Variants in ADAMTSL1 observed in about 807,000 individuals in gnomAD.
The protein encoded by ADAMTSL1 is ADAMTS like 1, also known as ADAMTS-like protein 1.
Under a neutral mutation model 201.8 loss-of-function variants are expected in ADAMTSL1, and 126 were observed. The observed-to-expected ratio is 0.62, with a 90% CI of 0.54 to 0.72. ADAMTSL1 has a LOEUF of 0.72. Among genes scored for constraint, ADAMTSL1 ranks in the 30% least tolerant of loss-of-function variants. The probability of loss-of-function intolerance (pLI) is 0.00; values close to 1 mark genes in which losing one functional copy is unlikely to be tolerated. For missense variants in ADAMTSL1, 2,679 were observed against 2,277.8 expected (o/e 1.18, Z -3.59); for synonymous variants, 1,121 against 903.4 (o/e 1.24, Z -4.32).
At chr9:18,064,485 G>T (rs933150979) in intron 1 of ADAMTSL1, among the ~76,000 whole-genome samples, 1 of 152,156 alleles carries the variant, frequency 6.6e-6, no homozygotes, top group Non-Finnish European at 1.5e-5. Flanking sequence ...GGAACATAAA[G>T]TGAAAGTCCT....
chr9:18,347,829 A>C (rs1483986817), intron 2 of ADAMTSL1, among the ~76,000 whole-genome samples: 4 of 152,108 alleles, frequency 2.6e-5, no homozygotes, highest in Admixed American at 2.6e-4. Flanking sequence ...TTAGGTGTTG[A>C]ATGCGGCATC....
intron 2 of ADAMTSL1, among the ~76,000 whole-genome samples, chr9:18,399,262 G>A (rs1817868683): frequency 1.1e-5 from 1 of 91,228 alleles, no homozygotes; most frequent in South Asian, 3.7e-4. Context: ...AATTTCTTTA[G>A]TTCCTCTGTC....
At chr9:18,595,073 G>C (rs1000092045) in intron 4 of ADAMTSL1, among the ~76,000 whole-genome samples, 3 of 152,122 alleles carry the variant, frequency 2.0e-5, no homozygotes, top group African/African-American at 7.2e-5. Context: ...TCTCACAAAT[G>C]CTCAGAAGTT....
At chr9:18,390,967 T>G (rs1394650272) in intron 2 of ADAMTSL1, among the ~76,000 whole-genome samples, 1 of 152,282 alleles carries the variant, frequency 6.6e-6, no homozygotes, top group East Asian at 1.9e-4. Flanking sequence ...TTATGGTTGT[T>G]AACTATAGGC....
At chr9:18,473,325 T>C (rs1336019079), upstream of ADAMTSL1, among the ~76,000 whole-genome samples, 1 of 152,196 alleles carries the variant, frequency 6.6e-6, no homozygotes, top group Non-Finnish European at 1.5e-5. Flanking sequence ...ACCAGGCTGC[T>C]CCTCAACCCC....
chr9:18,086,428 C>T (rs528409950), intron 1 of ADAMTSL1, among the ~76,000 whole-genome samples: 2 of 151,778 alleles, frequency 1.3e-5, no homozygotes, highest in African/African-American at 2.4e-5. Flanking sequence ...GCAAAATAAA[C>T]AGCCAAAATC....
At chr9:18,721,426 G>T in intron 14 of ADAMTSL1, 110 bp from the exon 15 acceptor site, 1 of 1,437,732 alleles carries the variant, frequency 7.0e-7, no homozygotes, top group Non-Finnish European at 9.4e-7. Context: ...CATACAGCGA[G>T]AGTCCTACAG....
intron 2 of ADAMTSL1, among the ~76,000 whole-genome samples, chr9:18,209,733 C>T (rs1829794099): frequency 6.6e-6 from 1 of 152,126 alleles, no homozygotes; most frequent in Admixed American, 6.6e-5. Flanking sequence ...TGCTGGGTAA[C>T]ACTTACTTCT....
intron 1 of ADAMTSL1, among the ~76,000 whole-genome samples, chr9:18,086,542 C>A (rs761212190): frequency 7.6e-4 from 116 of 152,134 alleles, no homozygotes; most frequent in Admixed American, 2.5e-3. Context: ...TAATTACATT[C>A]TTTTACCTAC....
chr9:18,056,247 T>G (rs1285942903), intron 1 of ADAMTSL1, among the ~76,000 whole-genome samples: 1 of 152,220 alleles, frequency 6.6e-6, no homozygotes, highest in African/African-American at 2.4e-5. Flanking sequence ...CAAAGCAATT[T>G]TTCCCCTAAA....
At chr9:18,832,401 T>C (rs933110071) in intron 23 of ADAMTSL1, among the ~76,000 whole-genome samples, 20 of 152,212 alleles carry the variant, frequency 1.3e-4, no homozygotes, top group African/African-American at 4.6e-4. Flanking sequence ...GTGGAAGCCA[T>C]GAATATAAAA....
In ADAMTSL1 at chr9:18,178,686, G is replaced by C. The variant is rs914972321; in HGVS notation, c.207+14705G>C. Among the ~76,000 whole-genome samples the C allele has an allele frequency of 5.3e-5, 8 of 151,282 alleles. 1 individual carries two copies. Among genetic ancestry groups the C allele is most frequent in the South Asian group, 2.1e-4 (1 of 4,758 alleles). On this transcript the variant is annotated intron_variant, in intron 2 of 29. Coordinates refer to the ADAMTSL1 transcript ENST00000680146. The stretch of plus-strand genomic sequence containing the variant: ...AGCACGCAGCTGTAGATCTGAGAAC[G>C]GGCAGACTGCCTCCTCAAGTGGGTC...
At chr9:18,252,714 C>G (rs1021276525) in intron 2 of ADAMTSL1, among the ~76,000 whole-genome samples, 5 of 152,052 alleles carry the variant, frequency 3.3e-5, no homozygotes, top group African/African-American at 1.2e-4. Flanking sequence ...TAAAGCCCAT[C>G]ATACTAGCAA....
intron 4 of ADAMTSL1, among the ~76,000 whole-genome samples, chr9:18,604,623 G>A (rs1210044164): frequency 6.6e-6 from 1 of 152,038 alleles, no homozygotes; most frequent in Non-Finnish European, 1.5e-5. Flanking sequence ...ATAATATTTT[G>A]TTGTATGAAT....
At chr9:18,035,767 T>C (rs1821167889) in intron 1 of ADAMTSL1, among the ~76,000 whole-genome samples, 1 of 152,180 alleles carries the variant, frequency 6.6e-6, no homozygotes, top group African/African-American at 2.4e-5. Flanking sequence ...CAGGTCTCAT[T>C]GACTATTTCG....
At chr9:18,350,032 C>A (rs1198499995) in intron 2 of ADAMTSL1, among the ~76,000 whole-genome samples, 2 of 151,812 alleles carry the variant, frequency 1.3e-5, no homozygotes, top group African/African-American at 2.4e-5. Flanking sequence ...GTAACCCGGG[C>A]CTGAGCACAG....
intron 2 of ADAMTSL1, among the ~76,000 whole-genome samples, chr9:18,467,090 G>A (rs1587294815): frequency 1.3e-5 from 2 of 152,138 alleles, no homozygotes; most frequent in East Asian, 3.8e-4. Flanking sequence ...CGTAAAGGGT[G>A]CTGTACTCCG....
At position 18,826,399 on chromosome 9, in the gene ADAMTSL1, G is replaced by C. The variant is rs370665996; in HGVS notation, c.4050G>C (p.Leu1350=). 3.7e-6 allele frequency: 6 copies of C among 1,613,812 alleles called. No homozygotes were observed. The African/African-American group carries it at 8.0e-5, about 22-fold the overall frequency. Residue 1350 remains leucine, a synonymous_variant, in exon 22 of 29, where the codon CTG becomes CTC. Transcript: ENST00000380548. ...ACGTGTCCTCCTCGGATCAGGGCCTGTACTCCTGCAGGGCGGCCAATCTTC... is the reference window on the plus strand; with the variant it reads ...ACGTGTCCTCCTCGGATCAGGGCCTCTACTCCTGCAGGGCGGCCAATCTTC... ...LTNVSSSDQG[L]YSCRAANLHG...
chr9:18,455,382 C>A (rs1820561630), intron 2 of ADAMTSL1, among the ~76,000 whole-genome samples: 1 of 152,190 alleles, frequency 6.6e-6, no homozygotes, highest in African/African-American at 2.4e-5. Flanking sequence ...GAATACCTTT[C>A]TCCCTTTGCT....
Sources: allele counts gnomAD v4.1 joint callset (sites outside exome capture counted in the v4.1 genomes callset), GRCh38; gene constraint gnomAD v4.1.1; transcripts MANE v1.5; gene names NCBI Gene and HGNC (gene_info 2026-07-23, HGNC 2026-07-21).